Variants in IVL observed in about 807,000 individuals in gnomAD.
IVL encodes the protein involucrin.
For missense variants in IVL, 722 were observed against 624.9 expected, an observed-to-expected ratio of 1.16 and a Z score of -1.66; for synonymous variants, 257 against 271.0, an observed-to-expected ratio of 0.95 and a Z score of 0.51.
Position 152,911,058 on chromosome 1 carries a change from G to C in IVL, c.1261G>C (p.Glu421Gln). 6.5e-7 allele frequency: 1 copy of C among 1,548,536 alleles called. No individual in the cohort carries two copies. The part of the protein sequence containing the change: ...GQLEQQERQV[E>Q]HLEQQVGQLK... ...GCTGGAGCAGCAGGAGAGGCAGGTG[G>C]AGCACCTGGAGCAGCAGGTGGGGCA... The change falls in exon 2 of 2, where the codon GAG (glutamate) becomes CAG (glutamine). Residue 421 changes from glutamate to glutamine, a missense_variant. Transcript: ENST00000368764.
At chr1:152,908,644 G>A (rs1649837604) in intron 1 of IVL, 55 bp downstream of exon 1, 4 of 144,996 alleles carry the variant, frequency 2.8e-5, no homozygotes, top group Admixed American at 1.4e-4. Flanking sequence ...AACAGCATAC[G>A]ATGTGGTGGG....
At chr1:152,908,948 A>G (rs1649850302) in intron 1 of IVL, among the ~76,000 whole-genome samples, 1 of 152,128 alleles carries the variant, frequency 6.6e-6, no homozygotes, top group Non-Finnish European at 1.5e-5. Flanking sequence ...TTCAGGGAAG[A>G]GCTTCTACCT....
rs201099828 is a variant in IVL at position 152,909,884 on chromosome 1, C to A, written c.87C>A (p.Thr29=). 2 of 1,614,142 alleles carry A rather than the reference C, an allele frequency of 1.2e-6. No individual in the cohort carries two copies. Among genetic ancestry groups the A allele is most frequent in the East Asian group, 2.2e-5 (1 of 44,886 alleles). The change falls in exon 2 of 2, where the codon ACC becomes ACA. Residue 29 remains threonine, a synonymous_variant. Coordinates refer to ENST00000368764, the MANE Select transcript of IVL (RefSeq NM_005547.4). ...LLKTVPPPVN[T]HQEQMKQPTP... is the part of the protein sequence containing the mutation. The stretch of plus-strand genomic sequence containing the variant: ...AGACTGTTCCTCCTCCAGTCAATAC[C>A]CATCAGGAGCAAATGAAACAGCCAA...
In IVL at chr1:152,910,862, C is replaced by T. The variant is rs918327938; in HGVS notation, c.1065C>T (p.His355=). The T allele has an allele frequency of 5.3e-5, 82 of 1,546,454 alleles. No homozygotes were observed. In the East Asian group the frequency reaches 1.6e-3, roughly 30 times the overall value. ...HLEQQEGQLE[H]LEHQEGQLGL... is the part of the protein sequence containing the mutation. ...AGCAGCAGGAGGGGCAGCTGGAGCA[C>T]CTGGAGCACCAGGAAGGGCAGCTGG... The change falls in exon 2 of 2, where the codon CAC becomes CAT. Residue 355 remains histidine (H), a synonymous_variant. Coordinates refer to ENST00000368764, the MANE Select transcript of IVL (RefSeq NM_005547.4).
In IVL at chr1:152,910,604, G is replaced by A; in HGVS notation, c.807G>A (p.Gln269=). The change falls in exon 2 of 2, where the codon CAG becomes CAA. Residue 269 remains glutamine, a synonymous_variant. Coordinates refer to ENST00000368764, the MANE Select transcript of IVL (RefSeq NM_005547.4). ...QEGQLKHLEH[Q]EGQLEVPEEQ... is the part of the protein sequence containing the mutation. ...GACAGCTGAAGCACCTGGAGCACCAGGAGGGGCAGCTGGAGGTCCCAGAGG... is the reference window on the plus strand; with the variant it reads ...GACAGCTGAAGCACCTGGAGCACCAAGAGGGGCAGCTGGAGGTCCCAGAGG... 1.9e-6 allele frequency: 3 copies of A among 1,551,404 alleles called. No individual in the cohort carries two copies. Among genetic ancestry groups the A allele is most frequent in the Non-Finnish European group, 2.6e-6 (3 of 1,146,974 alleles).
At position 152,911,547 on chromosome 1, in the gene IVL, C is replaced by A. The variant is rs368244218; in HGVS notation, c.1750C>A (p.His584Asn). 59 of 1,609,422 alleles carry A rather than the reference C, an allele frequency of 3.7e-5. No individual in the cohort carries two copies. The Middle Eastern group carries it at 1.2e-3, about 32-fold the overall frequency. The stretch of plus-strand genomic sequence containing the variant: ...GCAGGAGGTGCAGTGGCCACCCAAA[C>A]ATAAATAACCACCCGCAGTGTCCAG... Reference protein sequence around the residue: ...QKQEVQWPPKHK With the variant: ...QKQEVQWPPKNK The change falls in exon 2 of 2, where the codon CAT (histidine) becomes AAT (asparagine). Residue 584 changes from histidine to asparagine, a missense_variant. Physicochemically the swap from His to Asn is moderately conservative, Grantham distance 68. Coordinates refer to ENST00000368764, the MANE Select transcript of IVL (RefSeq NM_005547.4).
Position 152,911,486 on chromosome 1 carries a change from A to G in IVL, c.1689A>G (p.Gly563=). 1 of 1,614,164 alleles carries G rather than the reference A, an allele frequency of 6.2e-7. No individual in the cohort carries two copies. Among genetic ancestry groups the G allele is most frequent in the Non-Finnish European group, 8.5e-7 (1 of 1,180,022 alleles). ...TTCAACCAGCCCTGCCCACAAAGGG[A>G]GAAGTATTGCTTCCTGTAGAGCACC... The part of the protein sequence containing the change: ...QDIQPALPTK[G]EVLLPVEHQQ... Residue 563 remains glycine (G), a synonymous_variant, in exon 2 of 2, where the codon GGA becomes GGG. Coordinates refer to ENST00000368764, the MANE Select transcript of IVL (RefSeq NM_005547.4).
rs1384284236 is a variant in IVL, at chr1:152,909,842, C to G, written c.45C>G (p.Leu15=). The G allele has an allele frequency of 4.3e-6, 7 of 1,614,180 alleles. No homozygotes were observed. The highest frequency in any genetic ancestry group is 5.9e-6 in the Non-Finnish European group (7 of 1,180,028). Residue 15 remains leucine (L), a synonymous_variant, in exon 2 of 2, where the codon CTC becomes CTG. Coordinates refer to ENST00000368764, the MANE Select transcript of IVL (RefSeq NM_005547.4). ...HTLPVTLSPA[L]SQELLKTVPP... The stretch of plus-strand genomic sequence containing the variant: ...TGCCAGTGACCCTCTCCCCTGCCCT[C>G]AGTCAGGAGCTCCTCAAGACTGTTC...
Position 152,911,031 on chromosome 1 carries a change from C to A in IVL, c.1234C>A (p.Gln412Lys), listed in dbSNP as rs1363871691. The A allele has an allele frequency of 6.4e-7, 1 of 1,551,160 alleles. No homozygotes were observed. The highest frequency in any genetic ancestry group is 8.7e-7 in the Non-Finnish European group (1 of 1,146,908). The part of the protein sequence containing the change: ...QLKHLVQQEG[Q>K]LEQQERQVEH... ...GAAGCATCTGGTGCAGCAGGAGGGGCAGCTGGAGCAGCAGGAGAGGCAGGT... is the reference window on the plus strand; with the variant it reads ...GAAGCATCTGGTGCAGCAGGAGGGGAAGCTGGAGCAGCAGGAGAGGCAGGT... The change falls in exon 2 of 2, where the codon CAG becomes AAG. Residue 412 changes from glutamine (Q) to lysine (K), a missense_variant. Physicochemically the swap from Gln to Lys is moderately conservative, Grantham distance 53. Transcript: ENST00000368764.
intron 1 of IVL, among the ~76,000 whole-genome samples, 154 bp downstream of exon 1, chr1:152,908,743 G>A (rs1330809415): frequency 2.6e-5 from 4 of 152,216 alleles, no homozygotes; most frequent in Non-Finnish European, 2.9e-5. Flanking sequence ...AGAGTACTGA[G>A]AGAAAAGTGC....
In IVL at chr1:152,909,966, T is replaced by G. The variant is rs779879057; in HGVS notation, c.169T>G (p.Ser57Ala). The change falls in exon 2 of 2, where the codon TCA (serine) becomes GCA (alanine). Residue 57 changes from serine (S) to alanine (A), a missense_variant. Physicochemically the swap from Ser to Ala is moderately conservative, Grantham distance 99. Coordinates refer to ENST00000368764, the MANE Select transcript of IVL (RefSeq NM_005547.4). ...VPVELPVEVPSKQEEKHMTAV... is the reference protein window; with the variant it reads ...VPVELPVEVPAKQEEKHMTAV... ...TGTCGAGCTCCCAGTGGAGGTCCCATCAAAGCAAGAGGAAAAGCACATGAC... is the reference window on the plus strand; with the variant it reads ...TGTCGAGCTCCCAGTGGAGGTCCCAGCAAAGCAAGAGGAAAAGCACATGAC... The G allele has an allele frequency of 6.2e-7, 1 of 1,613,672 alleles. No homozygotes were observed. Among genetic ancestry groups the G allele is most frequent in the African/African-American group, 1.3e-5 (1 of 74,768 alleles).
In IVL at chr1:152,909,954, G is replaced by C; in HGVS notation, c.157G>C (p.Val53Leu). 6.2e-7 allele frequency: 1 copy of C among 1,614,186 alleles called. No individual in the cohort carries two copies. The highest frequency in any genetic ancestry group is 2.2e-5 in the East Asian group (1 of 44,884). ...PCQKVPVELP[V>L]EVPSKQEEKH... ...CCAGAAGGTGCCTGTCGAGCTCCCA[G>C]TGGAGGTCCCATCAAAGCAAGAGGA... is the stretch of plus-strand genomic sequence containing the variant. Residue 53 changes from valine to leucine, a missense_variant, in exon 2 of 2, where the codon GTG (valine) becomes CTG (leucine). Transcript: ENST00000368764.
rs1251632595 is a variant in IVL at position 152,911,006 on chromosome 1, G to A, written c.1209G>A (p.Leu403=). The A allele has an allele frequency of 6.5e-5, 100 of 1,550,078 alleles. No homozygotes were observed. The highest frequency in any genetic ancestry group is 8.7e-5 in the Non-Finnish European group (100 of 1,146,552). Residue 403 remains leucine (L), a synonymous_variant, in exon 2 of 2, where the codon CTG becomes CTA. Transcript: ENST00000368764. ...ACCTGGTGCAGCAGGAGGGGCAGCT[G>A]AAGCATCTGGTGCAGCAGGAGGGGC... The part of the protein sequence containing the change: ...LKHLVQQEGQ[L]KHLVQQEGQL...
chr1:152,911,651 C>T lies in IVL; in HGVS notation c.*96C>T, dbSNP rs1650004509. 1.7e-6 allele frequency: 2 copies of T among 1,143,534 alleles called. No individual in the cohort carries two copies. Among genetic ancestry groups the T allele is most frequent in the Non-Finnish European group, 2.5e-6 (2 of 795,176 alleles). 70.8% of individuals were successfully genotyped at this position (1,143,534 alleles called of 1,614,324 possible). On this transcript the variant is annotated 3_prime_UTR_variant, in exon 2 of 2. Transcript: ENST00000368764. ...TTCGGGTCCGCTAGGTGGCCCGTCT[C>T]ATCTGTGAACTTGACTCTGTCCCTC...
At position 152,910,134 on chromosome 1, in the gene IVL, A is replaced by G. The variant is rs2229496; in HGVS notation, c.337A>G (p.Thr113Ala). The G allele has an allele frequency of 0.15, 234,784 of 1,613,792 alleles. 34,198 individuals are homozygous for G. Among genetic ancestry groups the G allele is most frequent in the East Asian group, 0.61 (27,407 of 44,854 alleles). ...AGAGCAGCAGCTTAAGCAGGAGAAA[A>G]CACAAAGGGATCAGCAGCTAAACAA... The part of the protein sequence containing the change: ...NPEQQLKQEK[T>A]QRDQQLNKQL... The change falls in exon 2 of 2, where the codon ACA becomes GCA. Residue 113 changes from threonine to alanine, a missense_variant. Transcript: ENST00000368764.
Position 152,911,202 on chromosome 1 carries a change from C to T in IVL, c.1405C>T (p.Gln469Ter), listed in dbSNP as rs1259984349. 7.1e-6 allele frequency: 11 copies of T among 1,557,186 alleles called. No individual in the cohort carries two copies. Among genetic ancestry groups the T allele is most frequent in the Non-Finnish European group, 8.7e-6 (10 of 1,150,526 alleles). ...AAAGAACCTGGAGCAGGAGGAGAAG[C>T]AACTGGAGCTCCCAGAGCAGCAAGA... The part of the protein sequence containing the change: ...QPKNLEQEEK[Q>*]LELPEQQEGQ... Residue 469 changes from glutamine (Q) to a stop codon, truncating the protein, a stop_gained, in exon 2 of 2, where the codon CAA (glutamine) becomes TAA (stop). Coordinates refer to ENST00000368764, the MANE Select transcript of IVL (RefSeq NM_005547.4). LOFTEE classifies it low-confidence loss of function (END_TRUNC).
rs1649917479 is a variant in IVL, at chr1:152,910,386, G to C, written c.589G>C (p.Glu197Gln). The change falls in exon 2 of 2, where the codon GAG becomes CAG. Residue 197 changes from glutamate to glutamine, a missense_variant. Glu to Gln is a conservative substitution (Grantham distance 29). Transcript: ENST00000368764. ...GCAGGAGGGGCAGCTGGAGCTCCCAGAGCAGCAGGAGGGGCAGCTGGAGCT... is the reference window on the plus strand; with the variant it reads ...GCAGGAGGGGCAGCTGGAGCTCCCACAGCAGCAGGAGGGGCAGCTGGAGCT... Reference protein sequence around the residue: ...EQQEGQLELPEQQEGQLELPE... With the variant: ...EQQEGQLELPQQQEGQLELPE... The C allele has an allele frequency of 1.3e-5, 8 of 625,498 alleles. No individual in the cohort carries two copies. The highest frequency in any genetic ancestry group is 1.4e-5 in the Non-Finnish European group (5 of 347,320). The allele number at this position is 625,498 out of a possible 1,614,324, so 38.7% of individuals were successfully genotyped here.
rs1475617991 is a variant in IVL at position 152,911,175 on chromosome 1, C to T, written c.1378C>T (p.Pro460Ser). ...LEVPEQQVGQ[P>S]KNLEQEEKQL... Reference sequence around the variant, plus strand: ...GGTCCCAGAGCAGCAGGTGGGGCAGCCAAAGAACCTGGAGCAGGAGGAGAA... The same window carrying T: ...GGTCCCAGAGCAGCAGGTGGGGCAGTCAAAGAACCTGGAGCAGGAGGAGAA... Residue 460 changes from proline (P) to serine (S), a missense_variant, in exon 2 of 2, where the codon CCA (proline) becomes TCA (serine). Physicochemically the swap from Pro to Ser is moderately conservative, Grantham distance 74. Coordinates refer to ENST00000368764, the MANE Select transcript of IVL (RefSeq NM_005547.4). The T allele has an allele frequency of 1.3e-6, 2 of 1,558,456 alleles. No individual in the cohort carries two copies. Among genetic ancestry groups the T allele is most frequent in the African/African-American group, 2.7e-5 (2 of 73,450 alleles).
chr1:152,909,651 G>A (rs774833806), intron 1 of IVL, 128 bp from the exon 2 acceptor site: 21 of 681,924 alleles, frequency 3.1e-5, no homozygotes, highest in Non-Finnish European at 4.6e-5. Context: ...ATAGTCCAGA[G>A]GTGGTAGAAC....
Sources: allele counts gnomAD v4.1 joint callset (sites outside exome capture counted in the v4.1 genomes callset), GRCh38; gene constraint gnomAD v4.1.1; transcripts MANE v1.5; gene names NCBI Gene and HGNC (gene_info 2026-07-23, HGNC 2026-07-21).